Variants in TMEM108 observed in about 807,000 individuals in gnomAD.
TMEM108 encodes transmembrane protein 108, also known as cancer/testis antigen 124.
Under a neutral mutation model 35.1 loss-of-function variants are expected in TMEM108, and 12 were observed. That is an observed-to-expected ratio of 0.34 (90% CI 0.22 to 0.55). TMEM108 has a LOEUF of 0.55. Among genes scored for constraint, TMEM108 ranks in the 20% least tolerant of loss-of-function variants. The pLI, the probability that TMEM108 is intolerant of heterozygous loss-of-function variation, is 0.89. For synonymous variants in TMEM108, 287 were observed against 308.6 expected (o/e 0.93, Z 0.73); for missense variants, 680 against 753.3 (o/e 0.90, Z 1.14).
chr3:133,136,611 T>C (rs993035232), intron 2 of TMEM108, among the ~76,000 whole-genome samples: 5 of 152,326 alleles, frequency 3.3e-5, no homozygotes, highest in African/African-American at 1.2e-4. Context: ...GAAGTAGTTT[T>C]GACAGCAGGT....
intron 3 of TMEM108, among the ~76,000 whole-genome samples, chr3:133,275,668 A>G (rs1467861421): frequency 5.9e-5 from 9 of 152,170 alleles, no homozygotes; most frequent in Non-Finnish European, 8.8e-5. Context: ...TTATTTATTA[A>G]TACCCCAGGG....
chr3:133,263,104 C>T (rs1946646951), intron 3 of TMEM108, among the ~76,000 whole-genome samples: 1 of 152,194 alleles, frequency 6.6e-6, no homozygotes, highest in Middle Eastern at 3.2e-3. Context: ...GAGAATGCCC[C>T]AGGTGAGGTA....
At position 133,380,727 on chromosome 3, in the gene TMEM108, C is replaced by A; in HGVS notation, c.1016C>A (p.Thr339Asn). 2 of 1,614,102 alleles carry A rather than the reference C, an allele frequency of 1.2e-6. No individual in the cohort carries two copies. Among genetic ancestry groups the A allele is most frequent in the Admixed American group, 1.7e-5 (1 of 60,024 alleles). ...CATAGTGACTCTTGGCTTACTGTTACCCCTGGCACCAGCAGACCTCTGTCT... is the reference window on the plus strand; with the variant it reads ...CATAGTGACTCTTGGCTTACTGTTAACCCTGGCACCAGCAGACCTCTGTCT... ...PSHSDSWLTV[T>N]PGTSRPLSTS... Residue 339 changes from threonine to asparagine, a missense_variant, in exon 4 of 6, where the codon ACC (threonine) becomes AAC (asparagine). Coordinates refer to ENST00000321871, the MANE Select transcript of TMEM108 (RefSeq NM_023943.4). The surrounding 1 kb of genome is among the most constrained non-coding windows in gnomAD (Gnocchi z 5.3).
At chr3:133,245,659 A>G (rs1367882659) in intron 3 of TMEM108, among the ~76,000 whole-genome samples, 1 of 152,260 alleles carries the variant, frequency 6.6e-6, no homozygotes, top group Non-Finnish European at 1.5e-5. Context: ...CCAAAGAAAC[A>G]TGGCATTAAA....
chr3:133,355,369 T>A (rs1002557769), intron 3 of TMEM108, among the ~76,000 whole-genome samples: 1 of 152,232 alleles, frequency 6.6e-6, no homozygotes, highest in African/African-American at 2.4e-5. Flanking sequence ...TGAGCCAGAC[T>A]CATGACGTAG....
intron 3 of TMEM108, among the ~76,000 whole-genome samples, chr3:133,272,624 G>A (rs140490982): frequency 6.6e-6 from 1 of 152,154 alleles, no homozygotes; most frequent in African/African-American, 2.4e-5. Context: ...AGCATAGTGG[G>A]ATGACTAGGA....
At chr3:133,206,247 C>G (rs1945751732) in intron 2 of TMEM108, among the ~76,000 whole-genome samples, 1 of 152,198 alleles carries the variant, frequency 6.6e-6, no homozygotes, top group Admixed American at 6.5e-5. Flanking sequence ...TTAGAACATG[C>G]TCCTTTAGCT....
intron 3 of TMEM108, among the ~76,000 whole-genome samples, chr3:133,264,176 T>TA (rs200602197): frequency 0.044 from 6,761 of 152,024 alleles, 192 homozygotes; most frequent in Non-Finnish European, 0.064. Flanking sequence ...AACTTTTTTT[T>TA]AAAAAATTAG....
chr3:133,070,741 A>G (rs1324097662), intron 2 of TMEM108, among the ~76,000 whole-genome samples: 2 of 86,186 alleles, frequency 2.3e-5, no homozygotes, highest in Non-Finnish European at 5.7e-5. Flanking sequence ...GCTTTCTCTG[A>G]TGTATGTGTG....
intron 3 of TMEM108, among the ~76,000 whole-genome samples, chr3:133,266,382 G>A (rs569809026): frequency 2.4e-4 from 36 of 152,254 alleles, no homozygotes; most frequent in African/African-American, 8.7e-4. Context: ...TTGGGATCAG[G>A]ACTGAGATAA....
chr3:133,180,053 C>G (rs1042600616), intron 2 of TMEM108, among the ~76,000 whole-genome samples: 1 of 152,026 alleles, frequency 6.6e-6, no homozygotes, highest in Non-Finnish European at 1.5e-5. Context: ...ATAAGACTCC[C>G]TTGGATTAAG....
chr3:133,078,522 G>A (rs1308379348), intron 2 of TMEM108, among the ~76,000 whole-genome samples: 1 of 152,148 alleles, frequency 6.6e-6, no homozygotes, highest in African/African-American at 2.4e-5. Context: ...CAAGAAAAAT[G>A]AACAAGTTAC....
At chr3:133,202,472 C>T (rs1457159998) in intron 2 of TMEM108, among the ~76,000 whole-genome samples, 1 of 151,974 alleles carries the variant, frequency 6.6e-6, no homozygotes, top group African/African-American at 2.4e-5. Context: ...TTTTTGTATA[C>T]GGTGTAAGGA....
intron 3 of TMEM108, among the ~76,000 whole-genome samples, chr3:133,374,362 T>C (rs1323694176): frequency 6.6e-6 from 1 of 152,042 alleles, no homozygotes; most frequent in East Asian, 1.9e-4. Context: ...GCACAAAATA[T>C]CTTGCAGTAG....
At chr3:133,394,917 AT>A (rs1466237984) in intron 5 of TMEM108, among the ~76,000 whole-genome samples, 1 of 152,282 alleles carries the variant, frequency 6.6e-6, no homozygotes, top group African/African-American at 2.4e-5. Context: ...ATGAGCCAGT[AT>A]ACCTAGGCCT....
chr3:133,056,932 G>C (rs1450876005), intron 2 of TMEM108, among the ~76,000 whole-genome samples: 1 of 152,114 alleles, frequency 6.6e-6, no homozygotes, highest in Non-Finnish European at 1.5e-5. Flanking sequence ...TCTTTAAAAC[G>C]AAGTTTTCCA....
At chr3:133,082,748 C>T (rs980320977) in intron 2 of TMEM108, among the ~76,000 whole-genome samples, 1 of 152,038 alleles carries the variant, frequency 6.6e-6, no homozygotes, top group African/African-American at 2.4e-5. Flanking sequence ...ACCTCCTGGA[C>T]TTAAGGGATC....
intron 3 of TMEM108, among the ~76,000 whole-genome samples, chr3:133,292,226 T>C (rs1947080115): frequency 6.6e-6 from 1 of 152,208 alleles, no homozygotes; most frequent in Non-Finnish European, 1.5e-5. Context: ...AGGAAATATG[T>C]GTGGCAAGTT....
At chr3:133,138,856 G>A (rs2107753243) in intron 2 of TMEM108, among the ~76,000 whole-genome samples, 1 of 151,850 alleles carries the variant, frequency 6.6e-6, no homozygotes, top group African/African-American at 2.4e-5. Context: ...GGTGGTTTGT[G>A]GCACCCATCA....
Sources: allele counts gnomAD v4.1 joint callset (sites outside exome capture counted in the v4.1 genomes callset), GRCh38; gene constraint gnomAD v4.1.1; non-coding constraint Gnocchi (gnomAD v3.1); transcripts MANE v1.5; gene names NCBI Gene and HGNC (gene_info 2026-07-23, HGNC 2026-07-21).